The following CFAP20DC variants were observed in gnomAD, a reference collection of about 807,000 sequenced individuals.
CFAP20DC encodes CFAP20 domain containing.
Under a neutral mutation model 101.7 loss-of-function variants are expected in CFAP20DC, and 84 were observed. The observed-to-expected ratio is 0.83, with a 90% CI of 0.69 to 0.99. The LOEUF (loss-of-function observed/expected upper bound fraction) is 0.99, where lower values mean the gene tolerates loss of function less well. CFAP20DC is among the 50% of genes least tolerant of loss of function. The pLI, the probability that CFAP20DC is intolerant of heterozygous loss-of-function variation, is 0.00. For missense variants in CFAP20DC, 1,007 were observed against 970.3 expected (o/e 1.04, Z -0.50); for synonymous variants, 359 against 351.2 (o/e 1.02, Z -0.25).
chr3:58,876,268 C>A (rs17059927), intron 7 of CFAP20DC, among the ~76,000 whole-genome samples: 1 of 151,876 alleles, frequency 6.6e-6, no homozygotes. Flanking sequence ...TCTATAAACA[C>A]GTATTGTGCT....
chr3:58,767,363 C>T, intron 15 of CFAP20DC, among the ~76,000 whole-genome samples: 1 of 152,076 alleles, frequency 6.6e-6, no homozygotes, highest in East Asian at 1.9e-4. Context: ...AATTTTCTAC[C>T]TCAGGAAGCA....
At chr3:58,906,268 C>T (rs2083575085) in intron 6 of CFAP20DC, among the ~76,000 whole-genome samples, 1 of 152,136 alleles carries the variant, frequency 6.6e-6, no homozygotes, top group Non-Finnish European at 1.5e-5. Context: ...ACTTCTACTG[C>T]CCACCTCCTT....
chr3:58,731,939 A>G lies in CFAP20DC; in HGVS notation c.198-14311T>C, dbSNP rs1480375525. On this transcript the variant is annotated intron_variant, in intron 3 of 3. Coordinates refer to the CFAP20DC transcript ENST00000486145. ...TCAGCTAGGTCTGATAGATTCCTGC[A>G]TCACCACTCAGGACAATTCCTGAGC... Among the ~76,000 whole-genome samples, 4 of 152,246 alleles carry G rather than the reference A, an allele frequency of 2.6e-5. No homozygotes were observed. In the South Asian group the frequency reaches 8.3e-4, roughly 31 times the overall value.
chr3:58,982,615 A>C (rs1030197381), intron 4 of CFAP20DC, among the ~76,000 whole-genome samples: 22 of 149,876 alleles, frequency 1.5e-4, no homozygotes, highest in African/African-American at 4.9e-4. Flanking sequence ...GACAAAAAAA[A>C]CAAACACCGC....
rs538633080 is a variant in CFAP20DC at position 59,023,692 on chromosome 3, C to T, written c.278+15865G>A. On this transcript the variant is annotated intron_variant, in intron 4 of 16. Coordinates refer to ENST00000482387, the MANE Select transcript of CFAP20DC (RefSeq NM_001394063.1). ...GCAGGAAATCCTAATTTTTTTCCTACGGACTTGGGCTAAGACCAATATCTA... is the reference window on the plus strand; with the variant it reads ...GCAGGAAATCCTAATTTTTTTCCTATGGACTTGGGCTAAGACCAATATCTA... 8.2e-4 allele frequency among the ~76,000 whole-genome samples: 124 copies of T among 152,140 alleles called. No homozygotes were observed. In the South Asian group the frequency reaches 0.011, roughly 13 times the overall value.
At position 58,899,383 on chromosome 3, in the gene CFAP20DC, G is replaced by A. The variant is rs2082947602; in HGVS notation, c.550+14325C>T. Among the ~76,000 whole-genome samples the A allele has an allele frequency of 6.6e-6, 1 of 152,188 alleles. No homozygotes were observed. The highest frequency in any genetic ancestry group is 2.4e-5 in the African/African-American group (1 of 41,452). On this transcript the variant is annotated intron_variant, in intron 6 of 16. Transcript: ENST00000482387. This position sits in a 1 kb window ranked among gnomAD's most constrained non-coding sequence, Gnocchi z 5.0. ...GACTCAAGCCTGCTGCTGCTGACTGGCTGGAATTTGCCATTAGGTCTTAAT... is the reference window on the plus strand; with the variant it reads ...GACTCAAGCCTGCTGCTGCTGACTGACTGGAATTTGCCATTAGGTCTTAAT...
chr3:58,806,273 T>C (rs898326709), intron 15 of CFAP20DC, 122 bp downstream of exon 15: 77 of 689,918 alleles, frequency 1.1e-4, no homozygotes, highest in Non-Finnish European at 1.7e-4. Context: ...ACTAGGACTT[T>C]GAAAGAACAT....
At chr3:58,843,347 C>A (rs1030233621) in intron 13 of CFAP20DC, among the ~76,000 whole-genome samples, 185 of 151,936 alleles carry the variant, frequency 1.2e-3, no homozygotes, top group African/African-American at 4.2e-3. Context: ...AACCAAGGCT[C>A]GAGAACTACG....
intron 12 of CFAP20DC, among the ~76,000 whole-genome samples, chr3:58,850,930 C>A (rs545495522): frequency 2.6e-5 from 4 of 152,060 alleles, no homozygotes; most frequent in Non-Finnish European, 4.4e-5. Flanking sequence ...TGGCAGTCTC[C>A]GGTGAAATCT....
At chr3:59,020,966 G>A (rs2093792190) in intron 4 of CFAP20DC, among the ~76,000 whole-genome samples, 1 of 152,034 alleles carries the variant, frequency 6.6e-6, no homozygotes. Context: ...GGCAAATACA[G>A]CTTTATATTT....
chr3:58,727,296 G>C (rs898489520), intron 3 of CFAP20DC: 2 of 152,758 alleles, frequency 1.3e-5, no homozygotes, highest in African/African-American at 4.8e-5. Context: ...GCCCAGGGTA[G>C]CTTTAAATTT....
At position 59,049,772 on chromosome 3, in the gene CFAP20DC, G is replaced by C; in HGVS notation, c.-141C>G. On this transcript the variant is annotated 5_prime_UTR_variant, in exon 1 of 17. Coordinates refer to ENST00000482387, the MANE Select transcript of CFAP20DC (RefSeq NM_001394063.1). Reference sequence around the variant, plus strand: ...GGGCTTCGTGCTTGGCCCAGACTTGGGCAGGCTCTTCTCAGCCCCTCCGGC... The same window carrying C: ...GGGCTTCGTGCTTGGCCCAGACTTGCGCAGGCTCTTCTCAGCCCCTCCGGC... The C allele has an allele frequency of 9.9e-7, 1 of 1,014,542 alleles. No homozygotes were observed. Among genetic ancestry groups the C allele is most frequent in the South Asian group, 1.6e-5 (1 of 61,072 alleles). 62.8% of individuals were successfully genotyped at this position (1,014,542 alleles called of 1,614,324 possible).
intron 4 of CFAP20DC, among the ~76,000 whole-genome samples, chr3:59,020,380 TG>T: frequency 6.6e-6 from 1 of 152,074 alleles, no homozygotes; most frequent in Non-Finnish European, 1.5e-5. Context: ...GTATTACCAA[TG>T]CACAAGAGAC....
intron 12 of CFAP20DC, chr3:58,862,637 G>C: frequency 1.0e-6 from 1 of 985,202 alleles, no homozygotes; most frequent in Non-Finnish European, 1.2e-6. Context: ...GACTTAATCT[G>C]TGCCTCACTG....
intron 3 of CFAP20DC, among the ~76,000 whole-genome samples, chr3:58,734,053 A>G (rs1270761493): frequency 6.6e-6 from 1 of 152,146 alleles, no homozygotes. Flanking sequence ...GATTTCCCCT[A>G]TGCTGTTCTC....
In CFAP20DC at chr3:58,849,404, G is replaced by A; in HGVS notation, c.1599C>T (p.Asn533=). Residue 533 remains asparagine, a synonymous_variant, in exon 13 of 17, where the codon AAC becomes AAT. Transcript: ENST00000482387. ...GGCCTCGAGAACCCTGGATACTGTG[G>A]TTACCCTATGTTGGGGAACAAAGTA... The part of the protein sequence containing the change: ...FYGGDSSEEG[N]HSIQGSRGPT... 1 of 1,508,620 alleles carries A rather than the reference G, an allele frequency of 6.6e-7. No individual in the cohort carries two copies. The highest frequency in any genetic ancestry group is 8.8e-7 in the Non-Finnish European group (1 of 1,136,730). The allele number at this position is 1,508,620 out of a possible 1,614,324, so 93.5% of individuals were successfully genotyped here. A position where few individuals can be genotyped will look rare whatever the true frequency, so the allele number is the denominator to read the frequency against.
intron 14 of CFAP20DC, among the ~76,000 whole-genome samples, chr3:58,811,019 G>A (rs1379102160): frequency 1.3e-5 from 2 of 152,126 alleles, no homozygotes; most frequent in Non-Finnish European, 2.9e-5. Flanking sequence ...ACCTCTTCAA[G>A]GAGTACTACA....
chr3:58,735,445 G>A (rs2067730842), intron 3 of CFAP20DC, among the ~76,000 whole-genome samples: 1 of 152,226 alleles, frequency 6.6e-6, no homozygotes. Context: ...GTGATGGTTA[G>A]TCTGTTGATT....
At chr3:59,049,493 C>T (rs953875464) in intron 1 of CFAP20DC, 118 bp downstream of exon 1, 1 of 957,186 alleles carries the variant, frequency 1.0e-6, no homozygotes, top group Non-Finnish European at 1.6e-6. Context: ...TTCTGTCTTA[C>T]CCCTGAAAAA....
Sources: gnomAD v4.1 joint callset for allele counts (sites outside exome capture counted in the v4.1 genomes callset) on GRCh38, gnomAD v4.1.1 for gene constraint, Gnocchi (gnomAD v3.1) non-coding constraint, MANE v1.5 for transcripts, NCBI Gene and HGNC (gene_info 2026-07-23, HGNC 2026-07-21) for gene names.